Variants in DMXL2 observed in about 807,000 individuals in gnomAD.
DMXL2 encodes the protein dmX-like protein 2.
DMXL2 carries 103 observed loss-of-function variants against 331.1 expected under a neutral mutation model. That is an observed-to-expected ratio of 0.31 (90% confidence interval 0.27 to 0.37). DMXL2 has a LOEUF of 0.37. DMXL2 is among the 10% of genes least tolerant of loss of function. The pLI, the probability that DMXL2 is intolerant of heterozygous loss-of-function variation, is 1.00. For missense variants in DMXL2, 3,171 were observed against 3,642.9 expected, an observed-to-expected ratio of 0.87 and a Z score of 3.33; for synonymous variants, 1,281 against 1,252.1, an observed-to-expected ratio of 1.02 and a Z score of -0.49.
chr15:51,574,715 A>G (rs2050902294), intron 2 of DMXL2, among the ~76,000 whole-genome samples: 1 of 152,246 alleles, frequency 6.6e-6, no homozygotes, highest in South Asian at 2.1e-4. Flanking sequence ...AAGACAATAA[A>G]GATATTATAA....
At chr15:51,506,450 CTTTTTT>C (rs531570148) in intron 16 of DMXL2, among the ~76,000 whole-genome samples, 2 of 121,956 alleles carry the variant, frequency 1.6e-5, no homozygotes, top group Non-Finnish European at 3.4e-5. Context: ...AGCAATTCTG[CTTTTTT>C]TTTTTTTTTT....
intron 1 of DMXL2, among the ~76,000 whole-genome samples, chr15:51,596,109 A>C (rs942049314): frequency 4.6e-5 from 7 of 152,220 alleles, no homozygotes; most frequent in Non-Finnish European, 7.3e-5. Context: ...ACAGCAAAAG[A>C]AACTACCATC....
At chr15:51,500,368 T>G (rs996326809) in intron 17 of DMXL2, 137 bp from the exon 18 acceptor site, 1 of 894,696 alleles carries the variant, frequency 1.1e-6, no homozygotes, top group Non-Finnish European at 1.6e-6. Context: ...GTCTTCCTCT[T>G]AACTAGTATC....
chr15:51,581,194 A>C (rs1354902264), intron 1 of DMXL2, among the ~76,000 whole-genome samples: 2 of 152,146 alleles, frequency 1.3e-5, no homozygotes, highest in East Asian at 3.8e-4. Flanking sequence ...CGGTGGCATT[A>C]GATTCTCATA....
intron 6 of DMXL2, among the ~76,000 whole-genome samples, chr15:51,559,695 G>A (rs1163611232): frequency 6.6e-6 from 1 of 152,116 alleles, no homozygotes; most frequent in Non-Finnish European, 1.5e-5. Flanking sequence ...ACTCCAGCCT[G>A]GGTGACAGAG....
At chr15:51,541,216 C>A (rs1192421327) in intron 9 of DMXL2, among the ~76,000 whole-genome samples, 1 of 151,926 alleles carries the variant, frequency 6.6e-6, no homozygotes, top group Non-Finnish European at 1.5e-5. Context: ...CACTGCCCAA[C>A]AGAAATATAA....
At chr15:51,608,176 C>G (rs1239389065) in intron 1 of DMXL2, among the ~76,000 whole-genome samples, 2 of 135,164 alleles carry the variant, frequency 1.5e-5, no homozygotes, top group African/African-American at 2.7e-5. Flanking sequence ...CAGAGCAAGA[C>G]TCAGTCTCAA....
Position 51,536,611 on chromosome 15 carries a change from C to G in DMXL2, c.1869G>C (p.Gln623His). The change falls in exon 12 of 44, where the codon CAG (glutamine) becomes CAC (histidine). Residue 623 changes from glutamine (Q) to histidine (H), a missense_variant. Gln to His is a conservative substitution (Grantham distance 24). Coordinates refer to ENST00000560891, the MANE Select transcript of DMXL2 (RefSeq NM_001378457.1). ...ISKHIDGSLN[Q>H]WAVTFADKSA... ...ACTTATCAGCAAAAGTGACTGCCCA[C>G]TGATTTAAAGAACCATCTATGTGTT... 6.2e-7 allele frequency: 1 copy of G among 1,614,080 alleles called. No individual in the cohort carries two copies. Among genetic ancestry groups the G allele is most frequent in the Non-Finnish European group, 8.5e-7 (1 of 1,179,992 alleles).
At chr15:51,596,281 A>G (rs1462236639) in intron 1 of DMXL2, among the ~76,000 whole-genome samples, 1 of 152,254 alleles carries the variant, frequency 6.6e-6, no homozygotes, top group African/African-American at 2.4e-5. Context: ...GACACTTCTC[A>G]AAAGAAGACA....
intron 18 of DMXL2, among the ~76,000 whole-genome samples, 157 bp from the exon 19 acceptor site, chr15:51,495,291 A>G (rs1285025343): frequency 3.3e-5 from 5 of 152,172 alleles, no homozygotes; most frequent in African/African-American, 9.7e-5. Flanking sequence ...TTTACAAAAA[A>G]TTATCTTTAC....
chr15:51,602,956 C>T (rs1263182589), intron 1 of DMXL2, among the ~76,000 whole-genome samples: 1 of 152,110 alleles, frequency 6.6e-6, no homozygotes, highest in East Asian at 1.9e-4. Context: ...AGAGAAGAGA[C>T]AACAAGACAC....
At chr15:51,574,866 C>G (rs1359915837) in intron 2 of DMXL2, among the ~76,000 whole-genome samples, 3 of 152,126 alleles carry the variant, frequency 2.0e-5, no homozygotes, top group Non-Finnish European at 4.4e-5. Flanking sequence ...GCGATTATCA[C>G]CAGCACTTGA....
intron 13 of DMXL2, among the ~76,000 whole-genome samples, chr15:51,519,637 T>G (rs12901990): frequency 3.3e-5 from 4 of 119,948 alleles, no homozygotes; most frequent in Admixed American, 7.9e-5. Flanking sequence ...AAGTCTCTTG[T>G]TTTTTTTTTT....
At chr15:51,547,517 G>GTC in intron 6 of DMXL2, 109 bp from the exon 7 acceptor site, 1 of 647,826 alleles carries the variant, frequency 1.5e-6, no homozygotes, top group Non-Finnish European at 2.4e-6. Context: ...ACTAATATGT[G>GTC]ACTTATACAT....
At chr15:51,600,548 C>A (rs2053156454) in intron 1 of DMXL2, among the ~76,000 whole-genome samples, 1 of 152,206 alleles carries the variant, frequency 6.6e-6, no homozygotes, top group Non-Finnish European at 1.5e-5. Context: ...TCCTGTTGAC[C>A]TTGCAAGGTG....
At chr15:51,460,836 AC>A in intron 33 of DMXL2, among the ~76,000 whole-genome samples, 1 of 152,228 alleles carries the variant, frequency 6.6e-6, no homozygotes, top group South Asian at 2.1e-4. Context: ...TTAATAAAAC[AC>A]CTTTTTTTTC....
chr15:51,575,820 G>C (rs1358420255), intron 2 of DMXL2, among the ~76,000 whole-genome samples: 2 of 152,044 alleles, frequency 1.3e-5, no homozygotes, highest in African/African-American at 4.8e-5. Context: ...GCACAGGATT[G>C]TAAGGCCTAC....
rs751231775 is a variant in DMXL2, at chr15:51,471,450, T to C, written c.7214-49A>G. On this transcript the variant is annotated intron_variant, in intron 28 of 43. Transcript: ENST00000560891. Reference sequence around the variant, plus strand: ...AAAATCTAGCATTCATTTTCCATTGTTAATTGATAGAGTTAAGCTTTCTTT... The same window carrying C: ...AAAATCTAGCATTCATTTTCCATTGCTAATTGATAGAGTTAAGCTTTCTTT... The C allele has an allele frequency of 1.2e-5, 19 of 1,520,690 alleles. No homozygotes were observed. The African/African-American group carries it at 1.9e-4, about 16-fold the overall frequency. The allele number at this position is 1,520,690 out of a possible 1,614,324, so 94.2% of individuals were successfully genotyped here.
At chr15:51,616,352 GAAA>G (rs1295561670) in intron 1 of DMXL2, among the ~76,000 whole-genome samples, 2 of 148,296 alleles carry the variant, frequency 1.3e-5, no homozygotes, top group Non-Finnish European at 3.0e-5. Flanking sequence ...GCAGGCAAAC[GAAA>G]AAAAAAGAAA....
Sources: gnomAD v4.1 joint callset for allele counts (sites outside exome capture counted in the v4.1 genomes callset) on GRCh38, gnomAD v4.1.1 for gene constraint, MANE v1.5 for transcripts, NCBI Gene and HGNC (gene_info 2026-07-23, HGNC 2026-07-21) for gene names.